Variants in RAD18 observed in about 807,000 individuals in gnomAD.
RAD18 encodes E3 ubiquitin-protein ligase RAD18.
Under a neutral mutation model 60.4 loss-of-function variants are expected in RAD18, and 47 were observed. The observed-to-expected ratio is 0.78, with a 90% CI of 0.62 to 0.99. The LOEUF is 0.99. Among genes scored for constraint, RAD18 ranks in the 50% least tolerant of loss-of-function variants. RAD18 has a pLI of 0.00. For missense variants in RAD18, 640 were observed against 593.3 expected (o/e 1.08, Z -0.82); for synonymous variants, 225 against 195.5 (o/e 1.15, Z -1.26).
chr3:8,904,697 G>C (rs147556620), intron 9 of RAD18, among the ~76,000 whole-genome samples: 260 of 152,196 alleles, frequency 1.7e-3, no homozygotes, highest in African/African-American at 5.8e-3. Flanking sequence ...AGAATCAATG[G>C]GCTAACACTA....
At chr3:8,898,764 AG>A (rs1319125554) in intron 11 of RAD18, 129 bp downstream of exon 11, 3 of 773,584 alleles carry the variant, frequency 3.9e-6, no homozygotes, top group African/African-American at 3.6e-5. Flanking sequence ...CAGCAGTAAA[AG>A]GGGACTGAAA....
intron 2 of RAD18, among the ~76,000 whole-genome samples, 197 bp downstream of exon 2, chr3:8,958,723 C>T (rs111229427): frequency 1.5e-3 from 235 of 152,090 alleles, no homozygotes; most frequent in Non-Finnish European, 2.8e-3. Context: ...CAAAGAGGAA[C>T]GAGGTAGAAA....
At chr3:8,938,379 G>A (rs1464124199) in intron 6 of RAD18, among the ~76,000 whole-genome samples, 1 of 152,140 alleles carries the variant, frequency 6.6e-6, no homozygotes, top group African/African-American at 2.4e-5. Context: ...ATTAAGTGAT[G>A]TATTTTCTTT....
At chr3:8,883,390 T>C (rs552350803) in intron 12 of RAD18, among the ~76,000 whole-genome samples, 1 of 152,322 alleles carries the variant, frequency 6.6e-6, no homozygotes, top group South Asian at 2.1e-4. Flanking sequence ...TTAGTGACTT[T>C]TCTAAACCAA....
chr3:8,889,133 C>T (rs137880464), intron 12 of RAD18, among the ~76,000 whole-genome samples: 8 of 152,308 alleles, frequency 5.3e-5, no homozygotes, highest in Non-Finnish European at 7.3e-5. Context: ...CATACTTTTC[C>T]ACTCTCCCAG....
At chr3:8,940,995 C>A (rs915732288) in intron 5 of RAD18, among the ~76,000 whole-genome samples, 8 of 152,154 alleles carry the variant, frequency 5.3e-5, no homozygotes, top group Non-Finnish European at 1.0e-4. Context: ...CCTCAGTGTA[C>A]TGGAGGAACA....
Position 8,879,055 on chromosome 3 carries a change from T to C in RAD18, c.*2302A>G, listed in dbSNP as rs1344015371. On this transcript the variant is annotated 3_prime_UTR_variant, in exon 13 of 13. Coordinates refer to ENST00000264926, the MANE Select transcript of RAD18 (RefSeq NM_020165.4). Reference sequence around the variant, plus strand: ...TGAATATTAAACATATGCTAAGTGCTAACAGATAGTGCTCAATAAATGCTC... The same window carrying C: ...TGAATATTAAACATATGCTAAGTGCCAACAGATAGTGCTCAATAAATGCTC... 1 of 152,228 alleles carries C rather than the reference T, an allele frequency of 6.6e-6. No homozygotes were observed. Among genetic ancestry groups the C allele is most frequent in the Admixed American group, 6.5e-5 (1 of 15,280 alleles). 9.4% of individuals were successfully genotyped at this position (152,228 alleles called of 1,614,324 possible).
At chr3:8,944,563 G>GAA (rs1940808545) in intron 4 of RAD18, among the ~76,000 whole-genome samples, 1 of 149,868 alleles carries the variant, frequency 6.7e-6, no homozygotes, top group African/African-American at 2.5e-5. Flanking sequence ...GGAAAGGGAG[G>GAA]GAGGAATAGA....
intron 7 of RAD18, among the ~76,000 whole-genome samples, chr3:8,919,839 G>T (rs566476254): frequency 1.3e-5 from 1 of 77,818 alleles, no homozygotes; most frequent in East Asian, 2.2e-4. Flanking sequence ...AGACGGTAAT[G>T]AAAATAATGG....
chr3:8,927,700 C>T (rs577360327), intron 7 of RAD18, among the ~76,000 whole-genome samples: 11 of 152,266 alleles, frequency 7.2e-5, no homozygotes, highest in Non-Finnish European at 1.0e-4. Context: ...GAAAATGTGG[C>T]ACGTATATAC....
At chr3:8,928,827 C>T (rs1435082451) in intron 7 of RAD18, among the ~76,000 whole-genome samples, 1 of 151,194 alleles carries the variant, frequency 6.6e-6, no homozygotes, top group Non-Finnish European at 1.5e-5. Flanking sequence ...CAATATTCAC[C>T]AGGAAGACCT....
intron 2 of RAD18, among the ~76,000 whole-genome samples, chr3:8,953,301 G>T (rs1052202597): frequency 3.3e-5 from 5 of 151,206 alleles, no homozygotes; most frequent in Non-Finnish European, 7.4e-5. Context: ...AATTAATAAG[G>T]TCACATGTAC....
At chr3:8,962,283 C>CA (rs1299933429) in intron 1 of RAD18, among the ~76,000 whole-genome samples, 1 of 152,200 alleles carries the variant, frequency 6.6e-6, no homozygotes, top group Non-Finnish European at 1.5e-5. Flanking sequence ...CACTGGAACT[C>CA]AAATCTGTGC....
Position 8,898,922 on chromosome 3 carries a change from A to C in RAD18, c.1294T>G (p.Ser432Ala). 1.3e-6 allele frequency: 2 copies of C among 1,599,900 alleles called. No homozygotes were observed. The highest frequency in any genetic ancestry group is 1.7e-6 in the Non-Finnish European group (2 of 1,172,824). The change falls in exon 11 of 13, where the codon TCT (serine) becomes GCT (alanine). Residue 432 changes from serine to alanine, a missense_variant. Ser to Ala is a moderately conservative substitution (Grantham distance 99). Transcript: ENST00000264926. ...TTGCATGAATCTGATTCTGATGAAG[A>C]AAGAACTTCTTGAATATCAATACAG... ...SSCIDIQEVLSSSESDSCNSS... is the reference protein window; with the variant it reads ...SSCIDIQEVLASSESDSCNSS...
intron 7 of RAD18, among the ~76,000 whole-genome samples, chr3:8,931,099 CTTGA>C (rs1039512421): frequency 1.8e-4 from 27 of 152,122 alleles, no homozygotes; most frequent in African/African-American, 5.8e-4. Flanking sequence ...TGGCATGTAA[CTTGA>C]TTGTGTATAT....
At chr3:8,897,604 G>T (rs940410593) in intron 11 of RAD18, among the ~76,000 whole-genome samples, 2 of 152,166 alleles carry the variant, frequency 1.3e-5, no homozygotes, top group Non-Finnish European at 2.9e-5. Flanking sequence ...TTCTAAGTTT[G>T]AATCTTTTCC....
At chr3:8,936,941 G>A (rs1940664456) in intron 6 of RAD18, among the ~76,000 whole-genome samples, 1 of 152,110 alleles carries the variant, frequency 6.6e-6, no homozygotes, top group Admixed American at 6.6e-5. Context: ...TTACAGTCAG[G>A]TATAGACTGA....
intron 11 of RAD18, among the ~76,000 whole-genome samples, chr3:8,895,604 T>C (rs1323953445): frequency 1.3e-5 from 2 of 152,080 alleles, no homozygotes; most frequent in East Asian, 3.9e-4. Context: ...TCCAAAACTT[T>C]ATAAAGAGTA....
At position 8,900,788 on chromosome 3, in the gene RAD18, C is replaced by G. The variant is rs535872582; in HGVS notation, c.1168+1592G>C. 7.2e-5 allele frequency among the ~76,000 whole-genome samples: 11 copies of G among 152,336 alleles called. No individual in the cohort carries two copies. In the South Asian group the frequency reaches 1.0e-3, roughly 14 times the overall value. ...AGTCAGTCTGTGTCTGTCTTCATCT[C>G]TCTCACATACCTTACCCTCTCAGAC... On this transcript the variant is annotated intron_variant, in intron 10 of 12. Transcript: ENST00000264926.
Sources: allele counts gnomAD v4.1 joint callset (sites outside exome capture counted in the v4.1 genomes callset), GRCh38; gene constraint gnomAD v4.1.1; transcripts MANE v1.5; gene names NCBI Gene and HGNC (gene_info 2026-07-23, HGNC 2026-07-21).